The following SGCZ variants were observed in gnomAD, a reference collection of about 807,000 sequenced individuals.
The protein encoded by SGCZ is sarcoglycan zeta.
In SGCZ, 40 loss-of-function variants were observed where a neutral mutation model predicts 41.3. That is an observed-to-expected ratio of 0.97 (90% confidence interval 0.75 to 1.26). The LOEUF (loss-of-function observed/expected upper bound fraction) is 1.26, where lower values mean the gene tolerates loss of function less well. Ranked by LOEUF, SGCZ falls within the 50% of genes most tolerant of loss-of-function variation. SGCZ has a pLI of 0.00. For synonymous variants in SGCZ, 206 were observed against 137.5 expected (o/e 1.50, Z -3.49); for missense variants, 552 against 369.8 (o/e 1.49, Z -4.04).
intron 2 of SGCZ, among the ~76,000 whole-genome samples, chr8:14,431,907 G>A (rs2117338627): frequency 6.6e-6 from 1 of 152,138 alleles, no homozygotes; most frequent in Non-Finnish European, 1.5e-5. Flanking sequence ...ATACACCAAT[G>A]GCCAACAAAC....
chr8:15,236,176 C>A (rs987858852), intron 1 of SGCZ, among the ~76,000 whole-genome samples: 6 of 152,328 alleles, frequency 3.9e-5, no homozygotes, highest in Middle Eastern at 3.4e-3. Context: ...TGTCCTCCCT[C>A]CGTCCTGGAC....
chr8:14,675,361 T>C (rs551657548), intron 1 of SGCZ, among the ~76,000 whole-genome samples: 2 of 152,102 alleles, frequency 1.3e-5, no homozygotes, highest in African/African-American at 2.4e-5. Flanking sequence ...CTCTTTAGAA[T>C]GTACAACATA....
At chr8:15,015,687 CAAAAAA>C (rs61080299) in intron 1 of SGCZ, among the ~76,000 whole-genome samples, 4 of 121,796 alleles carry the variant, frequency 3.3e-5, no homozygotes, top group Admixed American at 1.9e-4. Flanking sequence ...GACTCCATCT[CAAAAAA>C]AAAAAAAAAA....
intron 5 of SGCZ, among the ~76,000 whole-genome samples, chr8:14,127,921 A>C (rs1309782968): frequency 6.6e-6 from 1 of 150,542 alleles, no homozygotes; most frequent in Non-Finnish European, 1.5e-5. Context: ...CCTCCTCCCA[A>C]CCTCCCCCCG....
intron 1 of SGCZ, among the ~76,000 whole-genome samples, chr8:15,047,224 T>G (rs2130987496): frequency 6.6e-6 from 1 of 152,172 alleles, no homozygotes; most frequent in South Asian, 2.1e-4. Context: ...CAAAACAAAC[T>G]GTCTCTTTCA....
rs561994262 is a variant in SGCZ at position 14,107,917 on chromosome 8, A to G, written c.620+246T>C. Among the ~76,000 whole-genome samples, 3 of 152,202 alleles carry G rather than the reference A, an allele frequency of 2.0e-5. No individual in the cohort carries two copies. The South Asian group carries it at 6.2e-4, about 32-fold the overall frequency. ...CTTGGCCTCCCAAAGTGCTGGGGTT[A>G]CAGGTGTGAGCCACCGTGCCCGGCC... On this transcript the variant is annotated intron_variant, in intron 6 of 7. Coordinates refer to ENST00000382080, the MANE Select transcript of SGCZ (RefSeq NM_139167.4).
intron 1 of SGCZ, among the ~76,000 whole-genome samples, chr8:14,594,493 G>T (rs1460530658): frequency 6.6e-6 from 1 of 151,958 alleles, no homozygotes; most frequent in Non-Finnish European, 1.5e-5. Context: ...ATTCCACTGG[G>T]AGGATCAAAC....
chr8:14,269,576 C>G (rs1799994409), intron 3 of SGCZ, among the ~76,000 whole-genome samples: 1 of 152,150 alleles, frequency 6.6e-6, no homozygotes, highest in Admixed American at 6.5e-5. Context: ...ATTCAGCTTT[C>G]AACTTTCAAG....
intron 1 of SGCZ, among the ~76,000 whole-genome samples, chr8:14,562,909 G>A (rs1018162078): frequency 1.3e-5 from 2 of 152,190 alleles, no homozygotes. Flanking sequence ...TGTGGTAGCA[G>A]AGGAACTAGA....
At chr8:14,235,363 T>C (rs578030747) in intron 4 of SGCZ, among the ~76,000 whole-genome samples, 213 of 152,312 alleles carry the variant, frequency 1.4e-3, no homozygotes, top group African/African-American at 4.8e-3. Context: ...GTAGAATAAA[T>C]GCATTTCTCC....
At chr8:15,149,695 G>A (rs908105856) in intron 1 of SGCZ, among the ~76,000 whole-genome samples, 2 of 120,908 alleles carry the variant, frequency 1.7e-5, no homozygotes, top group Non-Finnish European at 3.2e-5. Flanking sequence ...ACGACTGCTG[G>A]TATAACTATA....
chr8:14,440,251 T>G (rs1800209989), intron 2 of SGCZ, among the ~76,000 whole-genome samples: 1 of 152,144 alleles, frequency 6.6e-6, no homozygotes, highest in Admixed American at 6.5e-5. Context: ...AAAAGAGCTC[T>G]ATTTGACTTG....
intron 2 of SGCZ, among the ~76,000 whole-genome samples, chr8:14,507,304 A>G (rs1173103049): frequency 6.6e-6 from 1 of 152,170 alleles, no homozygotes; most frequent in Non-Finnish European, 1.5e-5. Flanking sequence ...CTCCATCCCA[A>G]GCATTCCATC....
intron 1 of SGCZ, among the ~76,000 whole-genome samples, chr8:14,637,939 G>T (rs187007913): frequency 6.6e-6 from 1 of 151,964 alleles, no homozygotes; most frequent in African/African-American, 2.4e-5. Context: ...CCATCAGTGT[G>T]TAAGTGTTCT....
chr8:14,906,818 G>A (rs1799132538), intron 1 of SGCZ, among the ~76,000 whole-genome samples: 1 of 152,044 alleles, frequency 6.6e-6, no homozygotes, highest in Non-Finnish European at 1.5e-5. Context: ...AAAAGAACTG[G>A]GTTCTTATGA....
intron 2 of SGCZ, among the ~76,000 whole-genome samples, chr8:14,413,511 T>C (rs1799416269): frequency 6.6e-6 from 1 of 152,042 alleles, no homozygotes; most frequent in African/African-American, 2.4e-5. Context: ...AATAATCTTA[T>C]ACAAGCTAAA....
At chr8:14,409,839 A>C (rs2117272878) in intron 2 of SGCZ, among the ~76,000 whole-genome samples, 1 of 152,334 alleles carries the variant, frequency 6.6e-6, no homozygotes, top group South Asian at 2.1e-4. Flanking sequence ...CAATTTGGAA[A>C]CAATTTCATT....
At chr8:14,201,766 C>T (rs1319644952) in intron 4 of SGCZ, among the ~76,000 whole-genome samples, 1 of 152,080 alleles carries the variant, frequency 6.6e-6, no homozygotes, top group Non-Finnish European at 1.5e-5. Flanking sequence ...AATTTAACTA[C>T]ACAAATTATA....
intron 2 of SGCZ, among the ~76,000 whole-genome samples, chr8:14,540,655 T>A (rs577260828): frequency 8.5e-5 from 13 of 152,104 alleles, no homozygotes; most frequent in South Asian, 4.1e-4. Flanking sequence ...ATTAATTTCA[T>A]AATGTCCTTA....
Sources: gnomAD v4.1 joint callset for allele counts (sites outside exome capture counted in the v4.1 genomes callset) on GRCh38, gnomAD v4.1.1 for gene constraint, MANE v1.5 for transcripts, NCBI Gene and HGNC (gene_info 2026-07-23, HGNC 2026-07-21) for gene names.